The following C1QTNF7 variants were observed in gnomAD, a reference collection of about 807,000 sequenced individuals.
C1QTNF7 encodes the protein C1q and TNF related 7.
In C1QTNF7, 15 loss-of-function variants were observed where a neutral mutation model predicts 19.6. The ratio of observed to expected loss-of-function variants is 0.76; its 90% confidence interval spans 0.51 to 1.18. The LOEUF (loss-of-function observed/expected upper bound fraction) is 1.18, where lower values mean the gene tolerates loss of function less well. Among genes scored for constraint, C1QTNF7 ranks in the 50% most tolerant of loss-of-function variants. The probability of loss-of-function intolerance (pLI) is 0.00; values close to 1 mark genes in which losing one functional copy is unlikely to be tolerated. For synonymous variants in C1QTNF7, 142 were observed against 137.5 expected (o/e 1.03, Z -0.23); for missense variants, 324 against 359.7 (o/e 0.90, Z 0.80).
At chr4:15,347,865 T>G (rs1280100276) in intron 1 of C1QTNF7, among the ~76,000 whole-genome samples, 1 of 152,198 alleles carries the variant, frequency 6.6e-6, no homozygotes, top group African/African-American at 2.4e-5. Context: ...ATTGAGATCA[T>G]TTCTTAAACT....
At chr4:15,412,164 A>G (rs1341066701) in intron 1 of C1QTNF7, among the ~76,000 whole-genome samples, 1 of 152,108 alleles carries the variant, frequency 6.6e-6, no homozygotes, top group Non-Finnish European at 1.5e-5. Flanking sequence ...CCCAGAGGGG[A>G]TGGTCTAGTA....
At chr4:15,404,353 T>A (rs1719117810) in intron 1 of C1QTNF7, among the ~76,000 whole-genome samples, 1 of 152,204 alleles carries the variant, frequency 6.6e-6, no homozygotes, top group Non-Finnish European at 1.5e-5. Flanking sequence ...TACTAGTTCT[T>A]CTTGCTTAGC....
At chr4:15,366,297 A>G (rs1717519955) in intron 1 of C1QTNF7, among the ~76,000 whole-genome samples, 1 of 152,198 alleles carries the variant, frequency 6.6e-6, no homozygotes, top group Non-Finnish European at 1.5e-5. Context: ...AACCCCCTCA[A>G]TCCCAGGAAA....
At chr4:15,426,253 C>T (rs1712043103), upstream of C1QTNF7, among the ~76,000 whole-genome samples, 2 of 152,188 alleles carry the variant, frequency 1.3e-5, no homozygotes, top group Admixed American at 6.5e-5. Flanking sequence ...CTGACTTTTA[C>T]TCTGAGCCAA....
intron 1 of C1QTNF7, among the ~76,000 whole-genome samples, chr4:15,412,455 C>T (rs1388604567): frequency 1.3e-5 from 2 of 152,036 alleles, no homozygotes; most frequent in African/African-American, 4.8e-5. Context: ...TCAAAACCAT[C>T]AGTGTAGCAT....
intron 1 of C1QTNF7, among the ~76,000 whole-genome samples, chr4:15,432,637 C>T (rs908809490): frequency 2.6e-5 from 4 of 152,144 alleles, no homozygotes; most frequent in South Asian, 2.1e-4. Context: ...TCAAGTGATC[C>T]TCCAACCTTG....
At chr4:15,413,486 C>A (rs1719479689) in intron 1 of C1QTNF7, among the ~76,000 whole-genome samples, 1 of 152,120 alleles carries the variant, frequency 6.6e-6, no homozygotes, top group Admixed American at 6.5e-5. Context: ...TCTTAACAGC[C>A]AAAATAAACA....
chr4:15,390,509 A>G (rs6449136), intron 1 of C1QTNF7, among the ~76,000 whole-genome samples: 72,502 of 151,938 alleles, frequency 0.48, 18,762 homozygotes, highest in African/African-American at 0.68. Context: ...TTGTGAGCAG[A>G]GGAGGAGCCC....
chr4:15,386,527 C>T (rs905048482), intron 1 of C1QTNF7, among the ~76,000 whole-genome samples: 4 of 150,400 alleles, frequency 2.7e-5, no homozygotes, highest in Admixed American at 1.3e-4. Flanking sequence ...AACACGTGTA[C>T]CTTAGATGAC....
At chr4:15,432,398 A>T (rs1452909861) in intron 1 of C1QTNF7, among the ~76,000 whole-genome samples, 1 of 152,010 alleles carries the variant, frequency 6.6e-6, no homozygotes, top group African/African-American at 2.4e-5. Context: ...TTGTTCCTCA[A>T]TTCTTTTTGT....
intron 1 of C1QTNF7, among the ~76,000 whole-genome samples, chr4:15,417,725 T>C (rs1021167272): frequency 6.6e-6 from 1 of 152,024 alleles, no homozygotes; most frequent in Admixed American, 6.6e-5. Context: ...AAAGGCCCCA[T>C]CTCAAAAAAA....
intron 1 of C1QTNF7, among the ~76,000 whole-genome samples, chr4:15,348,934 C>T (rs1322566731): frequency 6.6e-6 from 1 of 152,170 alleles, no homozygotes; most frequent in Non-Finnish European, 1.5e-5. Context: ...GACAGCAGAG[C>T]ACACTCACTA....
intron 1 of C1QTNF7, among the ~76,000 whole-genome samples, chr4:15,429,854 T>A (rs1712229235): frequency 6.6e-6 from 1 of 152,172 alleles, no homozygotes. Context: ...CACTATCCTG[T>A]TTTCCACAGG....
Position 15,435,778 on chromosome 4 carries a change from T to C in C1QTNF7, c.35T>C (p.Ile12Thr). The change falls in exon 2 of 3, where the codon ATT (isoleucine) becomes ACT (threonine). Residue 12 changes from isoleucine to threonine, a missense_variant. Coordinates refer to ENST00000444304, the MANE Select transcript of C1QTNF7 (RefSeq NM_031911.5). Reference sequence around the variant, plus strand: ...TTGCTCTATGTTACAAGTTTTGCCATTTGTGCCAGTGGACAACCCCGGGGT... The same window carrying C: ...TTGCTCTATGTTACAAGTTTTGCCACTTGTGCCAGTGGACAACCCCGGGGT... ...FVLLYVTSFA[I>T]CASGQPRGNQ... is the part of the protein sequence containing the mutation. The C allele has an allele frequency of 1.2e-6, 2 of 1,614,158 alleles. No homozygotes were observed. The highest frequency in any genetic ancestry group is 2.2e-5 in the South Asian group (2 of 91,076).
At chr4:15,393,223 C>G (rs1194427695) in intron 1 of C1QTNF7, among the ~76,000 whole-genome samples, 1 of 152,168 alleles carries the variant, frequency 6.6e-6, no homozygotes, top group Non-Finnish European at 1.5e-5. Flanking sequence ...GCCTCCCTAG[C>G]CATGTGGAAA....
At chr4:15,339,924 T>C (rs2109275275), upstream of C1QTNF7, 1 of 563,712 alleles carries the variant, frequency 1.8e-6, no homozygotes, top group East Asian at 3.1e-5. Context: ...TTATAGAAGT[T>C]GGCAAGTCCC....
At chr4:15,424,889 T>G (rs1302052641), upstream of C1QTNF7, among the ~76,000 whole-genome samples, 1 of 152,152 alleles carries the variant, frequency 6.6e-6, no homozygotes, top group Non-Finnish European at 1.5e-5. Flanking sequence ...GGATGGGAAT[T>G]CCCAATTCAT....
At chr4:15,406,653 C>T (rs560566123) in intron 1 of C1QTNF7, among the ~76,000 whole-genome samples, 1 of 152,148 alleles carries the variant, frequency 6.6e-6, no homozygotes, top group African/African-American at 2.4e-5. Context: ...TAAAAACAAC[C>T]ATACCATCCA....
At chr4:15,428,943 A>C (rs1276827829) in intron 1 of C1QTNF7, among the ~76,000 whole-genome samples, 1 of 152,242 alleles carries the variant, frequency 6.6e-6, no homozygotes, top group East Asian at 1.9e-4. Context: ...GTCATGAAGT[A>C]ATATGTTATA....
Sources: gnomAD v4.1 joint callset for allele counts (sites outside exome capture counted in the v4.1 genomes callset) on GRCh38, gnomAD v4.1.1 for gene constraint, MANE v1.5 for transcripts, NCBI Gene and HGNC (gene_info 2026-07-23, HGNC 2026-07-21) for gene names.